Variants in CPSF1 observed in about 807,000 individuals in gnomAD.
The protein encoded by CPSF1 is cleavage and polyadenylation specificity factor subunit 1.
Under a neutral mutation model 175.8 loss-of-function variants are expected in CPSF1, and 106 were observed. That is an observed-to-expected ratio of 0.60 (90% CI 0.52 to 0.71). CPSF1 has a LOEUF of 0.71. Ranked by LOEUF, CPSF1 falls within the 30% of genes least tolerant of loss-of-function variation. The probability of loss-of-function intolerance (pLI) is 0.00; values close to 1 mark genes in which losing one functional copy is unlikely to be tolerated. For synonymous variants in CPSF1, 1,024 were observed against 858.3 expected (o/e 1.19, Z -3.37); for missense variants, 1,734 against 2,022.9 (o/e 0.86, Z 2.74).
chr8:144,406,176 CAGA>C (rs2116904502), intron 2 of CPSF1, among the ~76,000 whole-genome samples: 7 of 141,318 alleles, frequency 5.0e-5, no homozygotes, highest in Middle Eastern at 3.2e-3. Context: ...AAAAACAAAA[CAGA>C]AGAAGAAAAC....
chr8:144,396,821 G>A lies in CPSF1; in HGVS notation c.2682+19C>T, dbSNP rs781800223. The A allele has an allele frequency of 1.9e-6, 3 of 1,613,636 alleles. No homozygotes were observed. In the Admixed American group the frequency reaches 5.0e-5, roughly 27 times the overall value. The stretch of plus-strand genomic sequence containing the variant: ...TGTACCACACCCACCCCACGCCCCA[G>A]CAGTCCAGCCACTGGCACCTTCTTA... On this transcript the variant is annotated intron_variant, in intron 24 of 37. Coordinates refer to ENST00000616140, the MANE Select transcript of CPSF1 (RefSeq NM_013291.3).
rs1258642130 is a variant in CPSF1 at position 144,397,093 on chromosome 8, A to T, written c.2592+114T>A. 8 of 566,284 alleles carry T rather than the reference A, an allele frequency of 1.4e-5. No individual in the cohort carries two copies. In the Admixed American group the frequency reaches 4.7e-4, roughly 33 times the overall value. 35.1% of individuals were successfully genotyped at this position (566,284 alleles called of 1,614,324 possible). A position where few individuals can be genotyped will look rare whatever the true frequency, so the allele number is the denominator to read the frequency against. On this transcript the variant is annotated intron_variant, in intron 23 of 37. Transcript: ENST00000616140. ...AGGGAGATGGGGTGGAGCCACGGGA[A>T]GGGGCGGGGCCGTGGGGGAGATGGG... is the stretch of plus-strand genomic sequence containing the variant.
intron 7 of CPSF1, 70 bp from the exon 8 acceptor site, chr8:144,400,563 C>G: frequency 6.2e-7 from 1 of 1,607,104 alleles, no homozygotes; most frequent in Non-Finnish European, 8.5e-7. Context: ...TCCTCCCGAG[C>G]AAGCCCCACC....
chr8:144,397,716 C>T (rs782556344), intron 21 of CPSF1, 27 bp downstream of exon 21: 109 of 1,584,776 alleles, frequency 6.9e-5, no homozygotes, highest in Non-Finnish European at 9.1e-5. Flanking sequence ...ACCCAAGCCC[C>T]TACCTGCGCC....
In CPSF1 at chr8:144,400,971, G is replaced by GA; in HGVS notation, c.491dup (p.Arg165ProfsTer7). On this transcript the variant is annotated frameshift_variant, in exon 6 of 38. Transcript: ENST00000616140. LOFTEE classifies it high-confidence loss of function. ...GCTCCTCAGCCAGGCTCTCCCTGCGGAAGGGCAGGACCACCAGCCGCGTGC... is the reference window on the plus strand; with the variant it reads ...GCTCCTCAGCCAGGCTCTCCCTGCGGAAAGGGCAGGACCACCAGCCGCGTGC... 1 of 1,610,032 alleles carries GA rather than the reference G, an allele frequency of 6.2e-7. No individual in the cohort carries two copies. Among genetic ancestry groups the GA allele is most frequent in the Non-Finnish European group, 8.5e-7 (1 of 1,178,214 alleles).
Position 144,394,367 on chromosome 8 carries a change from C to T in CPSF1, c.3744+12G>A. Reference sequence around the variant, plus strand: ...ACCCACCCAGACACGAGCACCGCCGCCACAGGTGTACCCGCGACACCAGGC... The same window carrying T: ...ACCCACCCAGACACGAGCACCGCCGTCACAGGTGTACCCGCGACACCAGGC... On this transcript the variant is annotated intron_variant, in intron 32 of 37. Transcript: ENST00000616140. 1.9e-6 allele frequency: 3 copies of T among 1,597,206 alleles called. No individual in the cohort carries two copies. The highest frequency in any genetic ancestry group is 1.7e-6 in the Non-Finnish European group (2 of 1,169,986).
Position 144,393,590 on chromosome 8 carries a change from C to T in CPSF1, c.4146G>A (p.Arg1382=), listed in dbSNP as rs782713583. 6 of 1,603,266 alleles carry T rather than the reference C, an allele frequency of 3.7e-6. No individual in the cohort carries two copies. The highest frequency in any genetic ancestry group is 2.2e-5 in the East Asian group (1 of 44,482). The change falls in exon 37 of 38, where the codon CGG becomes CGA. Residue 1382 remains arginine (R), a splice_region_variant and synonymous_variant. Transcript: ENST00000616140. ...HHAGLNPRAF[R]MLHVDRRTLQ... Reference sequence around the variant, plus strand: ...GGGTGCGGCGGTCCACGTGCAGCATCCTGGGGCGTACAGGCACAGGTGTCA... The same window carrying T: ...GGGTGCGGCGGTCCACGTGCAGCATTCTGGGGCGTACAGGCACAGGTGTCA...
At chr8:144,398,475 C>G in intron 18 of CPSF1, 32 bp from the exon 19 acceptor site, 1 of 1,611,374 alleles carries the variant, frequency 6.2e-7, no homozygotes, top group Non-Finnish European at 8.5e-7. Flanking sequence ...GAGGCGCCCC[C>G]CGCAGGGGAC....
rs1586621474 is a variant in CPSF1, at chr8:144,398,761, C to T, written c.1638+18G>A. 6.3e-7 allele frequency: 1 copy of T among 1,590,474 alleles called. No individual in the cohort carries two copies. The highest frequency in any genetic ancestry group is 8.6e-7 in the Non-Finnish European group (1 of 1,164,976). On this transcript the variant is annotated intron_variant, in intron 17 of 37. Transcript: ENST00000616140. The stretch of plus-strand genomic sequence containing the variant: ...CCGGTCCCATCCCAGGGCCTCCCTG[C>T]AGCAGGCTCGCACCTACCTCCTCCT...
rs2116912848 is a variant in CPSF1, at chr8:144,409,037, T to C, written c.122A>G (p.Tyr41Cys). The C allele has an allele frequency of 6.2e-7, 1 of 1,613,412 alleles. No individual in the cohort carries two copies. Among genetic ancestry groups the C allele is most frequent in the South Asian group, 1.1e-5 (1 of 91,074 alleles). Residue 41 changes from tyrosine to cysteine, a missense_variant, in exon 2 of 38, where the codon TAC becomes TGC. This residue lies in a region of CPSF1 where 126 missense variants were observed against 117.9 expected (regional missense o/e 1.07). Coordinates refer to ENST00000616140, the MANE Select transcript of CPSF1 (RefSeq NM_013291.3). ...VVAGTSQLYV[Y>C]RLNRDAEALT... The stretch of plus-strand genomic sequence containing the variant: ...TACCTCGGCGTCGCGGTTGAGGCGG[T>C]ACACGTAGAGCTGCGAGGTCCCGGC...
At chr8:144,403,717 T>TATGTGCTACCATGCCCGGCTA (rs1554868112) in intron 2 of CPSF1, among the ~76,000 whole-genome samples, 11,713 of 151,604 alleles carry the variant, frequency 0.077, 568 homozygotes, top group African/African-American at 0.12. Context: ...CATGCCCGGC[T>TATGTGCTACCATGCCCGGCTA]ATTTTTGTAT....
intron 9 of CPSF1, 25 bp from the exon 10 acceptor site, chr8:144,400,110 C>T (rs2116870296): frequency 6.4e-7 from 1 of 1,558,714 alleles, no homozygotes; most frequent in African/African-American, 1.4e-5. Flanking sequence ...GTCAGGCCGA[C>T]TAGGCAGGCC....
chr8:144,396,961 G>A, intron 23 of CPSF1, 32 bp from the exon 24 acceptor site: 1 of 1,531,286 alleles, frequency 6.5e-7, no homozygotes, highest in Middle Eastern at 1.7e-4. Context: ...TGGGGGAACG[G>A]GCAGGGCCAT....
chr8:144,401,698 A>C, intron 2 of CPSF1, 25 bp from the exon 3 acceptor site: 1 of 1,595,848 alleles, frequency 6.3e-7, no homozygotes, highest in Non-Finnish European at 8.5e-7. Flanking sequence ...AAGACAGGGC[A>C]GTGAGGGGCC....
Position 144,397,548 on chromosome 8 carries a change from G to A in CPSF1, c.2324C>T (p.Ala775Val). The stretch of plus-strand genomic sequence containing the variant: ...GTGGGTAGGCTCTGCCCGGAAGGGT[G>A]CAGGGTCCCGGTCAGCAGGGGGCTG... ...SSQPPADRDP[A>V]PFRAEPTHWC... Residue 775 changes from alanine (A) to valine (V), a missense_variant, in exon 22 of 38, where the codon GCA becomes GTA. This residue lies in a region of CPSF1 where 585 missense variants were observed against 584.7 expected (regional missense o/e 1.00). Transcript: ENST00000616140. 1 of 1,562,764 alleles carries A rather than the reference G, an allele frequency of 6.4e-7. No individual in the cohort carries two copies. The highest frequency in any genetic ancestry group is 8.7e-7 in the Non-Finnish European group (1 of 1,148,564).
chr8:144,394,789 A>T lies in CPSF1; in HGVS notation c.3422T>A (p.Ile1141Asn). The T allele has an allele frequency of 2.5e-6, 4 of 1,613,512 alleles. No individual in the cohort carries two copies. Among genetic ancestry groups the T allele is most frequent in the Non-Finnish European group, 3.4e-6 (4 of 1,179,934 alleles). Residue 1141 changes from isoleucine to asparagine, a missense_variant, in exon 31 of 38, where the codon ATC (isoleucine) becomes AAC (asparagine). By Grantham distance (149) the Ile-to-Asn change is moderately radical. Transcript: ENST00000616140. ...GGGCACCACCTCAATCACATCCATG[A>T]TCAAGATCTGGAGGGCATGGGTATG... is the stretch of plus-strand genomic sequence containing the variant. ...EEVTCRGRIL[I>N]MDVIEVVPEP... is the part of the protein sequence containing the mutation.
In CPSF1 at chr8:144,396,109, C is replaced by G. The variant is rs1820706840; in HGVS notation, c.2979+239G>C. On this transcript the variant is annotated intron_variant, in intron 26 of 37. Coordinates refer to ENST00000616140, the MANE Select transcript of CPSF1 (RefSeq NM_013291.3). ...GCCCTGCGAGGGCTTGCCCGGCGAG[C>G]CGGCAGAGCAGTGGTGGGGACCCCA... The G allele has an allele frequency of 5.4e-6, 3 of 557,900 alleles. No individual in the cohort carries two copies. In the East Asian group the frequency reaches 8.8e-5, roughly 16 times the overall value. The allele number at this position is 557,900 out of a possible 1,614,324, so 34.6% of individuals were successfully genotyped here.
chr8:144,393,621 G>A (rs782449830), intron 36 of CPSF1, 31 bp from the exon 37 acceptor site: 18 of 1,593,088 alleles, frequency 1.1e-5, no homozygotes, highest in Middle Eastern at 1.7e-4. Flanking sequence ...TGTCAGGGCA[G>A]GCTGGGGTGG....
intron 4 of CPSF1, 38 bp from the exon 5 acceptor site, chr8:144,401,329 G>T: frequency 6.2e-7 from 1 of 1,600,004 alleles, no homozygotes; most frequent in South Asian, 1.1e-5. Context: ...GCCGACTGCC[G>T]GTCCTGACAG....
Sources: allele counts gnomAD v4.1 joint callset (sites outside exome capture counted in the v4.1 genomes callset), GRCh38; gene constraint gnomAD v4.1.1; regional missense constraint gnomAD v4.1.1; transcripts MANE v1.5; gene names NCBI Gene and HGNC (gene_info 2026-07-23, HGNC 2026-07-21).